Variants in ATF7IP2 observed in about 807,000 individuals in gnomAD.
The protein encoded by ATF7IP2 is activating transcription factor 7 interacting protein 2.
Under a neutral mutation model 64.2 loss-of-function variants are expected in ATF7IP2, and 42 were observed. The observed-to-expected ratio is 0.65, with a 90% confidence interval of 0.51 to 0.85. The LOEUF (loss-of-function observed/expected upper bound fraction) is 0.85, where lower values mean the gene tolerates loss of function less well. Among genes scored for constraint, ATF7IP2 ranks in the 40% least tolerant of loss-of-function variants. ATF7IP2 has a pLI of 0.00. For synonymous variants in ATF7IP2, 308 were observed against 272.8 expected, an observed-to-expected ratio of 1.13 and a Z score of -1.27; for missense variants, 933 against 784.2, an observed-to-expected ratio of 1.19 and a Z score of -2.27.
intron 11 of ATF7IP2, 30 bp downstream of exon 11, chr16:10,473,564 G>T (rs1048936507): frequency 4.2e-6 from 6 of 1,433,206 alleles, no homozygotes; most frequent in Non-Finnish European, 5.8e-6. Flanking sequence ...TCTGAATATT[G>T]TTTATTTAAA....
intron 9 of ATF7IP2, among the ~76,000 whole-genome samples, chr16:10,463,460 C>T (rs12598234): frequency 0.78 from 118,953 of 152,230 alleles, 47,377 homozygotes; most frequent in African/African-American, 0.94. Flanking sequence ...CCTTGCTTTC[C>T]CTTAGATGAC....
intron 1 of ATF7IP2, among the ~76,000 whole-genome samples, chr16:10,391,314 AG>A (rs2047317791): frequency 6.6e-6 from 1 of 151,812 alleles, no homozygotes; most frequent in African/African-American, 2.4e-5. Context: ...CCAGCTACTC[AG>A]GAGGCTGAGA....
At chr16:10,438,374 A>G (rs2048493476) in intron 7 of ATF7IP2, 139 bp downstream of exon 7, 2 of 782,602 alleles carry the variant, frequency 2.6e-6, no homozygotes, top group African/African-American at 1.8e-5. Context: ...TCTCCAGAGT[A>G]GCTGAGACTA....
At chr16:10,387,174 C>G (rs1011977044) in intron 1 of ATF7IP2, 3 of 152,046 alleles carry the variant, frequency 2.0e-5, no homozygotes, top group Non-Finnish European at 4.4e-5. Context: ...TAACTATTTG[C>G]AAAACAAATG....
intron 1 of ATF7IP2, among the ~76,000 whole-genome samples, chr16:10,395,714 A>G (rs1364437859): frequency 6.6e-6 from 1 of 152,216 alleles, no homozygotes; most frequent in African/African-American, 2.4e-5. Flanking sequence ...AAAAGCATTG[A>G]TAAGATCCAG....
chr16:10,455,609 G>A (rs1567485377), intron 8 of ATF7IP2, among the ~76,000 whole-genome samples: 1 of 152,186 alleles, frequency 6.6e-6, no homozygotes, highest in Non-Finnish European at 1.5e-5. Flanking sequence ...GTAGGGTAAT[G>A]CATAGAGACT....
At chr16:10,437,889 G>A (rs745412839) in intron 6 of ATF7IP2, among the ~76,000 whole-genome samples, 1 of 152,120 alleles carries the variant, frequency 6.6e-6, no homozygotes, top group Non-Finnish European at 1.5e-5. Flanking sequence ...TTTCTAACAT[G>A]TCCAGTATAC....
At chr16:10,419,162 T>G (rs1196869860) in intron 2 of ATF7IP2, among the ~76,000 whole-genome samples, 1 of 152,226 alleles carries the variant, frequency 6.6e-6, no homozygotes, top group Non-Finnish European at 1.5e-5. Flanking sequence ...AGATTTATTA[T>G]GGTAAATAGT....
intron 8 of ATF7IP2, chr16:10,446,860 G>T (rs954702433): frequency 3.9e-5 from 6 of 152,024 alleles, no homozygotes; most frequent in African/African-American, 1.5e-4. Context: ...CCCAACTATT[G>T]GAAGTTTGTG....
chr16:10,420,111 T>C (rs2047963191), intron 3 of ATF7IP2, among the ~76,000 whole-genome samples: 2 of 152,220 alleles, frequency 1.3e-5, no homozygotes, highest in South Asian at 4.1e-4. Context: ...GAGAATTACA[T>C]GGGATGCCAG....
At chr16:10,387,932 T>G (rs188129350) in intron 1 of ATF7IP2, among the ~76,000 whole-genome samples, 60 of 151,584 alleles carry the variant, frequency 4.0e-4, no homozygotes, top group African/African-American at 1.5e-3. Flanking sequence ...AGGCAGAGAT[T>G]CGCTCTTTGG....
intron 12 of ATF7IP2, among the ~76,000 whole-genome samples, chr16:10,476,633 A>G (rs1366933103): frequency 6.6e-6 from 1 of 151,658 alleles, no homozygotes; most frequent in Non-Finnish European, 1.5e-5. Flanking sequence ...TGCATTAACT[A>G]TTTTTCCTGA....
chr16:10,417,497 T>A (rs2047903240), intron 2 of ATF7IP2, among the ~76,000 whole-genome samples: 1 of 152,212 alleles, frequency 6.6e-6, no homozygotes, highest in African/African-American at 2.4e-5. Flanking sequence ...GATCATTATT[T>A]AATGATAAAG....
At chr16:10,478,678 C>A (rs919094945) in intron 12 of ATF7IP2, among the ~76,000 whole-genome samples, 2 of 152,132 alleles carry the variant, frequency 1.3e-5, no homozygotes, top group African/African-American at 4.8e-5. Flanking sequence ...CTAAAGAGCT[C>A]CTGCACAGCA....
chr16:10,459,587 C>T (rs1296534039), intron 9 of ATF7IP2, among the ~76,000 whole-genome samples: 1 of 152,104 alleles, frequency 6.6e-6, no homozygotes, highest in Non-Finnish European at 1.5e-5. Flanking sequence ...GCAGAGGCTG[C>T]AGTGAGCTGA....
intron 9 of ATF7IP2, among the ~76,000 whole-genome samples, chr16:10,471,500 C>CCT (rs1169641295): frequency 1.3e-5 from 2 of 152,000 alleles, no homozygotes; most frequent in Non-Finnish European, 2.9e-5. Flanking sequence ...TGCACTTCAG[C>CCT]CTGGGGGACA....
Position 10,479,768 on chromosome 16 carries a change from C to G in ATF7IP2, c.1550-1111C>G, listed in dbSNP as rs112761759. Among the ~76,000 whole-genome samples, 239 of 151,854 alleles carry G rather than the reference C, an allele frequency of 1.6e-3. 1 individual carries two copies. Among genetic ancestry groups the G allele is most frequent in the African/African-American group, 5.4e-3 (222 of 41,392 alleles). On this transcript the variant is annotated intron_variant, in intron 12 of 13. Transcript: ENST00000562102. ...AACATCACTGATCATCAGAGGAATG[C>G]AAATCAAAACCACAATGAGATACCA...
chr16:10,410,829 T>G (rs369330700), intron 1 of ATF7IP2, among the ~76,000 whole-genome samples: 1 of 152,242 alleles, frequency 6.6e-6, no homozygotes, highest in Non-Finnish European at 1.5e-5. Flanking sequence ...CCCCATTTAG[T>G]ATTATGTTGG....
intron 9 of ATF7IP2, among the ~76,000 whole-genome samples, chr16:10,462,334 G>C (rs1435416529): frequency 6.6e-6 from 1 of 151,364 alleles, no homozygotes; most frequent in Non-Finnish European, 1.5e-5. Context: ...TTCCATCTGG[G>C]CTCATTTTTT....
Sources: gnomAD v4.1 joint callset for allele counts (sites outside exome capture counted in the v4.1 genomes callset) on GRCh38, gnomAD v4.1.1 for gene constraint, MANE v1.5 for transcripts, NCBI Gene and HGNC (gene_info 2026-07-23, HGNC 2026-07-21) for gene names.